Variants in RHOBTB2 observed in about 807,000 individuals in gnomAD.
RHOBTB2 encodes the protein Rho related BTB domain containing 2.
Under a neutral mutation model 66.5 loss-of-function variants are expected in RHOBTB2, and 39 were observed. The ratio of observed to expected loss-of-function variants is 0.59; its 90% CI spans 0.45 to 0.77. The LOEUF is 0.77. Among genes scored for constraint, RHOBTB2 ranks in the 30% least tolerant of loss-of-function variants. The probability of loss-of-function intolerance (pLI) is 0.00; values close to 1 mark genes in which losing one functional copy is unlikely to be tolerated. For missense variants in RHOBTB2, 755 were observed against 999.1 expected, an observed-to-expected ratio of 0.76 and a Z score of 3.29; for synonymous variants, 390 against 395.0, an observed-to-expected ratio of 0.99 and a Z score of 0.15.
chr8:22,958,238 A>G, the RHOBTB2 span, among the ~76,000 whole-genome samples: 6 of 152,234 alleles, frequency 3.9e-5, no homozygotes, highest in African/African-American at 1.4e-4. Flanking sequence ...GCCTCGAAAC[A>G]AGACAGCCTG....
At chr8:22,983,859 C>T (rs989586832), upstream of RHOBTB2, among the ~76,000 whole-genome samples, 3 of 152,056 alleles carry the variant, frequency 2.0e-5, no homozygotes, top group South Asian at 2.1e-4. Flanking sequence ...CTCAGCCTCC[C>T]GAGTAGCTGG....
At chr8:22,955,233 A>G in the RHOBTB2 span, among the ~76,000 whole-genome samples, 2 of 152,210 alleles carry the variant, frequency 1.3e-5, no homozygotes, top group Non-Finnish European at 2.9e-5. Context: ...AAATCAAATC[A>G]GAAAAAAATC....
chr8:22,961,840 A>G, the RHOBTB2 span, among the ~76,000 whole-genome samples: 9 of 152,216 alleles, frequency 5.9e-5, no homozygotes, highest in East Asian at 1.7e-3. Context: ...ACCCTGACAA[A>G]TGCAAGTGAA....
chr8:23,017,276 A>G lies in RHOBTB2; in HGVS notation c.1991A>G (p.His664Arg). 5.6e-6 allele frequency: 9 copies of G among 1,614,176 alleles called. No homozygotes were observed. The highest frequency in any genetic ancestry group is 7.6e-6 in the Non-Finnish European group (9 of 1,180,032). ...SPENQEYFEK[H>R]RWPPVWYLKE... ...GAAAACCAGGAGTATTTCGAGAAGC[A>G]TCGGTGGCCACCTGTGTGGTACCTG... Residue 664 changes from histidine (H) to arginine (R), a missense_variant, in exon 10 of 10, where the codon CAT becomes CGT. Around this residue, in one of 7 missense-constraint regions of RHOBTB2, gnomAD observed 353 missense variants for 458.2 expected, o/e 0.77. Transcript: ENST00000251822. The surrounding 1 kb of genome is among the most constrained non-coding windows in gnomAD (Gnocchi z 5.3).
Position 23,006,462 on chromosome 8 carries a change from C to A in RHOBTB2, c.483-266C>A. 1 of 563,126 alleles carries A rather than the reference C, an allele frequency of 1.8e-6. No homozygotes were observed. Among genetic ancestry groups the A allele is most frequent in the Non-Finnish European group, 3.1e-6 (1 of 317,712 alleles). 34.9% of individuals were successfully genotyped at this position (563,126 alleles called of 1,614,324 possible). ...TGTTAAATACCCATGTGAAGCATTG[C>A]CTGCTAATTGCCAGAGAGGCAGTGC... On this transcript the variant is annotated intron_variant, in intron 4 of 9. Coordinates refer to ENST00000251822, the MANE Select transcript of RHOBTB2 (RefSeq NM_015178.3). The surrounding 1 kb of genome is among the most constrained non-coding windows in gnomAD (Gnocchi z 6.1).
chr8:22,961,084 A>G, the RHOBTB2 span, among the ~76,000 whole-genome samples: 1 of 152,032 alleles, frequency 6.6e-6, no homozygotes, highest in Admixed American at 6.6e-5. Context: ...AGTTTTTTGT[A>G]GAGAAGGGTG....
chr8:22,952,396 G>A, the RHOBTB2 span, among the ~76,000 whole-genome samples: 20 of 152,184 alleles, frequency 1.3e-4, no homozygotes, highest in Admixed American at 1.0e-3. Flanking sequence ...TGCCCCAAAA[G>A]TAAAGCAGTA....
chr8:22,997,066 G>A (rs746674574), upstream of RHOBTB2, among the ~76,000 whole-genome samples: 5 of 152,144 alleles, frequency 3.3e-5, no homozygotes, highest in Admixed American at 1.3e-4. Flanking sequence ...CTCATACAGC[G>A]TGGGGAATGC....
chr8:22,978,012 T>A, the RHOBTB2 span: 4 of 152,018 alleles, frequency 2.6e-5, no homozygotes, highest in African/African-American at 9.7e-5. Context: ...ATCCTGGGAA[T>A]GAGGGACCAC....
At chr8:22,995,769 G>A (rs1162599240), upstream of RHOBTB2, 26 of 1,366,100 alleles carry the variant, frequency 1.9e-5, no homozygotes, top group South Asian at 3.7e-5. Flanking sequence ...GGAACACCAC[G>A]TGCCCCAGCC....
At chr8:22,976,235 A>G in the RHOBTB2 span, among the ~76,000 whole-genome samples, 1 of 152,200 alleles carries the variant, frequency 6.6e-6, no homozygotes. Context: ...AAAGCTGTAA[A>G]GTCCTTTATT....
the RHOBTB2 span, among the ~76,000 whole-genome samples, chr8:22,969,162 G>A: frequency 6.6e-6 from 1 of 152,310 alleles, no homozygotes; most frequent in African/African-American, 2.4e-5. Context: ...GCAAGAGAGA[G>A]AATGAGAGCC....
At chr8:22,956,860 G>A in the RHOBTB2 span, among the ~76,000 whole-genome samples, 3 of 152,090 alleles carry the variant, frequency 2.0e-5, no homozygotes, top group Admixed American at 6.6e-5. Flanking sequence ...GGGTATCTCC[G>A]TGTTGGTCAG....
rs1269453107 is a variant in RHOBTB2, at chr8:23,017,657, C to T, written c.*188C>T. ...AGGAGCTGAGCCCTGTGGAGCAGAA[C>T]GGGAACCACCTGCAGAGGTCCCCAG... On this transcript the variant is annotated 3_prime_UTR_variant, in exon 10 of 10. Coordinates refer to ENST00000251822, the MANE Select transcript of RHOBTB2 (RefSeq NM_015178.3). This position sits in a 1 kb window ranked among gnomAD's most constrained non-coding sequence, Gnocchi z 5.3. 11 of 881,804 alleles carry T rather than the reference C, an allele frequency of 1.2e-5. No homozygotes were observed. The highest frequency in any genetic ancestry group is 1.9e-5 in the Non-Finnish European group (11 of 594,068). 54.6% of individuals were successfully genotyped at this position (881,804 alleles called of 1,614,324 possible).
intron 1 of RHOBTB2, among the ~76,000 whole-genome samples, chr8:23,002,146 CG>C (rs1348235845): frequency 6.6e-6 from 1 of 152,188 alleles, no homozygotes; most frequent in African/African-American, 2.4e-5. Flanking sequence ...CTGGGAGAAT[CG>C]GAACTTGAGA....
the RHOBTB2 span, among the ~76,000 whole-genome samples, chr8:22,960,406 C>A: frequency 2.0e-5 from 3 of 151,070 alleles, no homozygotes; most frequent in African/African-American, 7.3e-5. Flanking sequence ...GCAACCTCCA[C>A]CTCCTGGGTT....
chr8:22,963,711 A>G, the RHOBTB2 span, among the ~76,000 whole-genome samples: 78,595 of 152,014 alleles, frequency 0.52, 22,659 homozygotes, highest in East Asian at 0.73. Context: ...CACATCTTAC[A>G]TGGATGGTGG....
Position 23,017,546 on chromosome 8 carries a change from A to G in RHOBTB2, c.*77A>G. 6.5e-7 allele frequency: 1 copy of G among 1,536,366 alleles called. No individual in the cohort carries two copies. The highest frequency in any genetic ancestry group is 8.8e-7 in the Non-Finnish European group (1 of 1,138,796). On this transcript the variant is annotated 3_prime_UTR_variant, in exon 10 of 10. Transcript: ENST00000251822. This position sits in a 1 kb window ranked among gnomAD's most constrained non-coding sequence, Gnocchi z 5.3. ...CCCCTCTGCTCTTCCGCATCACCCC[A>G]TCCACCTTACAGGGACCAGGGGGCC... is the stretch of plus-strand genomic sequence containing the variant.
At chr8:22,988,206 T>A (rs1810333353) in intron 1 of RHOBTB2, among the ~76,000 whole-genome samples, 1 of 148,704 alleles carries the variant, frequency 6.7e-6, no homozygotes, top group Admixed American at 6.7e-5. Flanking sequence ...GTCACCCAGG[T>A]TGGAGTGCAA....
Sources: gnomAD v4.1 joint callset for allele counts (sites outside exome capture counted in the v4.1 genomes callset) on GRCh38, gnomAD v4.1.1 for gene constraint, gnomAD v4.1.1 regional missense constraint, Gnocchi (gnomAD v3.1) non-coding constraint, MANE v1.5 for transcripts, NCBI Gene and HGNC (gene_info 2026-07-23, HGNC 2026-07-21) for gene names.